The following CNBD1 variants were observed in gnomAD, a reference collection of about 807,000 sequenced individuals.
The protein encoded by CNBD1 is cyclic nucleotide-binding domain-containing protein 1.
Under a neutral mutation model 54.4 loss-of-function variants are expected in CNBD1, and 71 were observed. That is an observed-to-expected ratio of 1.30 (90% CI 1.08 to 1.59). The LOEUF is 1.59. CNBD1 is among the 40% of genes most tolerant of loss of function. The probability of loss-of-function intolerance (pLI) is 0.00; values close to 1 mark genes in which losing one functional copy is unlikely to be tolerated. For synonymous variants in CNBD1, 182 were observed against 170.7 expected (o/e 1.07, Z -0.51); for missense variants, 659 against 518.0 (o/e 1.27, Z -2.64).
At chr8:86,897,333 G>A (rs1221548888) in intron 2 of CNBD1, among the ~76,000 whole-genome samples, 3 of 152,150 alleles carry the variant, frequency 2.0e-5, no homozygotes, top group African/African-American at 7.2e-5. Context: ...TTACCAAAGA[G>A]TTAAAAGATC....
Position 86,964,673 on chromosome 8 carries a change from G to A in CNBD1, c.431+24919G>A, listed in dbSNP as rs1273147989. ...CTGTTGTAGGAGCAGGAGTGAGACT[G>A]GGACCTGCCTAAAATGACTTCTAAG... On this transcript the variant is annotated intron_variant, in intron 4 of 10. Transcript: ENST00000518476. 3.3e-5 allele frequency among the ~76,000 whole-genome samples: 5 copies of A among 152,230 alleles called. No homozygotes were observed. The East Asian group carries it at 7.8e-4, about 24-fold the overall frequency.
At chr8:86,914,177 T>C (rs1809147539) in intron 3 of CNBD1, among the ~76,000 whole-genome samples, 1 of 152,194 alleles carries the variant, frequency 6.6e-6, no homozygotes, top group Non-Finnish European at 1.5e-5. Context: ...TGAGGCGACA[T>C]ACATCCTCCT....
At chr8:86,963,100 G>A (rs1807974683) in intron 4 of CNBD1, among the ~76,000 whole-genome samples, 1 of 152,092 alleles carries the variant, frequency 6.6e-6, no homozygotes, top group Non-Finnish European at 1.5e-5. Flanking sequence ...TATGTGACAG[G>A]GAGAAAAGGC....
At position 87,099,577 on chromosome 8, in the gene CNBD1, G is replaced by A. The variant is rs562081497; in HGVS notation, c.432-106416G>A. Among the ~76,000 whole-genome samples, 5 of 152,168 alleles carry A rather than the reference G, an allele frequency of 3.3e-5. No homozygotes were observed. In the South Asian group the frequency reaches 1.0e-3, roughly 32 times the overall value. On this transcript the variant is annotated intron_variant, in intron 4 of 10. Transcript: ENST00000518476. The stretch of plus-strand genomic sequence containing the variant: ...GGAAATATTCTTGGATATATTTTTA[G>A]GTTAGATCATTTAATTATTTCCTAA...
At position 87,320,069 on chromosome 8, in the gene CNBD1, A is replaced by G. The variant is rs1411965793; in HGVS notation, c.1043-31616A>G. ...TACAGACTTCACACCATCTGAACAA[A>G]AATATATTGAGTGTCTGCTGTTTGC... On this transcript the variant is annotated intron_variant, in intron 8 of 10. Transcript: ENST00000518476. 1.9e-4 allele frequency among the ~76,000 whole-genome samples: 29 copies of G among 152,144 alleles called. 1 individual carries two copies. Among genetic ancestry groups the G allele is most frequent in the Non-Finnish European group, 2.9e-5 (2 of 68,004 alleles).
intron 4 of CNBD1, among the ~76,000 whole-genome samples, chr8:86,973,270 C>T (rs556642070): frequency 5.3e-4 from 81 of 152,268 alleles, no homozygotes; most frequent in Non-Finnish European, 1.0e-3. Context: ...TTTTCAATTT[C>T]TTCTCTGAAG....
chr8:87,185,699 T>C lies in CNBD1; in HGVS notation c.432-20294T>C, dbSNP rs554131132. 7.1e-4 allele frequency among the ~76,000 whole-genome samples: 108 copies of C among 152,278 alleles called. 1 individual carries two copies. The highest frequency in any genetic ancestry group is 2.5e-3 in the African/African-American group (102 of 41,586). On this transcript the variant is annotated intron_variant, in intron 4 of 10. Coordinates refer to ENST00000518476, the MANE Select transcript of CNBD1 (RefSeq NM_173538.3). The stretch of plus-strand genomic sequence containing the variant: ...GTTCCCTCTAATCTTTTTAGGTGCT[T>C]CAGTTTCCGGTCCATGATAGTTTCT...
At chr8:87,421,780 G>T (rs1197708765) in intron 2 of CNBD1, among the ~76,000 whole-genome samples, 3 of 145,808 alleles carry the variant, frequency 2.1e-5, no homozygotes, top group African/African-American at 7.7e-5. Flanking sequence ...AGTCCTTTGG[G>T]TATATACCCA....
chr8:86,945,971 C>G (rs1010244206), intron 4 of CNBD1, among the ~76,000 whole-genome samples: 1 of 152,164 alleles, frequency 6.6e-6, no homozygotes, highest in African/African-American at 2.4e-5. Flanking sequence ...CTCAACTGGA[C>G]TCCTCTAATC....
At chr8:87,063,267 G>A (rs76134647) in intron 4 of CNBD1, among the ~76,000 whole-genome samples, 4,187 of 152,248 alleles carry the variant, frequency 0.028, 73 homozygotes, top group Middle Eastern at 0.041. Context: ...TCAACACAGG[G>A]ACTGTGTTCC....
chr8:86,978,949 G>C (rs1167921936), intron 4 of CNBD1, among the ~76,000 whole-genome samples: 1 of 152,098 alleles, frequency 6.6e-6, no homozygotes, highest in Non-Finnish European at 1.5e-5. Flanking sequence ...AAAGTTGACT[G>C]TATATAGCTG....
rs1253523093 is a variant in CNBD1, at chr8:87,242,359, T to A, written c.771+5247T>A. On this transcript the variant is annotated intron_variant, in intron 6 of 10. Transcript: ENST00000518476. ...CCTTTTTAAGTCTGATATGAAACAT[T>A]TACAATCTATTATGTCTGAAGCCTG... Among the ~76,000 whole-genome samples the A allele has an allele frequency of 7.2e-3, 1,091 of 152,238 alleles. 11 individuals are homozygous for A. Among genetic ancestry groups the A allele is most frequent in the African/African-American group, 0.025 (1,034 of 41,542 alleles).
chr8:87,368,920 C>G (rs888428356), intron 10 of CNBD1, among the ~76,000 whole-genome samples: 1 of 151,808 alleles, frequency 6.6e-6, no homozygotes. Context: ...TTCGGCTTCC[C>G]TCCCCTCCTT....
chr8:87,184,439 G>T (rs1259159150), intron 4 of CNBD1, among the ~76,000 whole-genome samples: 3 of 152,164 alleles, frequency 2.0e-5, no homozygotes, highest in Admixed American at 6.5e-5. Flanking sequence ...GCAAGCCTTA[G>T]TTGTGGACAC....
intron 4 of CNBD1, among the ~76,000 whole-genome samples, chr8:87,113,177 A>T (rs1811699209): frequency 6.6e-6 from 1 of 152,228 alleles, no homozygotes. Context: ...ATGCCAGTCA[A>T]GGGCAATTCT....
chr8:87,188,318 C>T (rs1813523583), intron 4 of CNBD1, among the ~76,000 whole-genome samples: 1 of 152,150 alleles, frequency 6.6e-6, no homozygotes, highest in African/African-American at 2.4e-5. Context: ...GTATGACTTC[C>T]CTTTTGAATT....
At chr8:87,268,564 G>C (rs1808306698) in intron 6 of CNBD1, among the ~76,000 whole-genome samples, 1 of 151,752 alleles carries the variant, frequency 6.6e-6, no homozygotes, top group African/African-American at 2.4e-5. Context: ...ATTCCCACCA[G>C]CATTGTGGGA....
At chr8:87,398,046 G>C (rs150557219) in intron 2 of CNBD1, among the ~76,000 whole-genome samples, 1 of 151,524 alleles carries the variant, frequency 6.6e-6, no homozygotes, top group East Asian at 1.9e-4. Context: ...GCTCAGTCTC[G>C]GGTATATCTT....
intron 3 of CNBD1, among the ~76,000 whole-genome samples, chr8:86,913,859 C>T (rs938395770): frequency 2.6e-5 from 4 of 152,096 alleles, no homozygotes; most frequent in Non-Finnish European, 4.4e-5. Context: ...TCTACATCTG[C>T]ATAAGGCAGA....
Sources: gnomAD v4.1 joint callset for allele counts (sites outside exome capture counted in the v4.1 genomes callset) on GRCh38, gnomAD v4.1.1 for gene constraint, MANE v1.5 for transcripts, NCBI Gene and HGNC (gene_info 2026-07-23, HGNC 2026-07-21) for gene names.